SPAG16: variants seen among roughly 807,000 people sequenced by gnomAD.
SPAG16 encodes the protein sperm-associated antigen 16 protein.
Under a neutral mutation model 80.4 loss-of-function variants are expected in SPAG16, and 86 were observed. That is an observed-to-expected ratio of 1.07 (90% CI 0.90 to 1.28). SPAG16 has a LOEUF of 1.28. Ranked by LOEUF, SPAG16 falls within the 50% of genes most tolerant of loss-of-function variation. The probability of loss-of-function intolerance (pLI) is 0.00; values close to 1 mark genes in which losing one functional copy is unlikely to be tolerated. For missense variants in SPAG16, 870 were observed against 765.3 expected (o/e 1.14, Z -1.61); for synonymous variants, 294 against 265.9 (o/e 1.11, Z -1.03).
At chr2:214,111,040 A>C (rs577101091) in intron 14 of SPAG16, among the ~76,000 whole-genome samples, 1 of 152,220 alleles carries the variant, frequency 6.6e-6, no homozygotes, top group South Asian at 2.1e-4. Flanking sequence ...GCCCTTTGTC[A>C]GATGGGTAGA....
intron 13 of SPAG16, among the ~76,000 whole-genome samples, chr2:214,101,203 T>C (rs2052997400): frequency 6.6e-6 from 1 of 152,110 alleles, no homozygotes; most frequent in Admixed American, 6.6e-5. Context: ...CTTTTACTAT[T>C]TTGAGGGAAC....
chr2:213,892,975 TACA>T (rs2076843736), intron 11 of SPAG16, among the ~76,000 whole-genome samples: 1 of 152,044 alleles, frequency 6.6e-6, no homozygotes, highest in Admixed American at 6.6e-5. Flanking sequence ...AACAACATCA[TACA>T]GATTTGACAA....
chr2:213,656,978 C>G (rs1010589021), intron 10 of SPAG16, among the ~76,000 whole-genome samples: 1 of 152,098 alleles, frequency 6.6e-6, no homozygotes, highest in African/African-American at 2.4e-5. Context: ...CGTTTCATTT[C>G]TTTAGATCTT....
chr2:214,248,911 G>A (rs1690049513), intron 15 of SPAG16, among the ~76,000 whole-genome samples: 1 of 152,100 alleles, frequency 6.6e-6, no homozygotes, highest in South Asian at 2.1e-4. Flanking sequence ...ATATCTGGGA[G>A]AAGACTGTTC....
intron 5 of SPAG16, among the ~76,000 whole-genome samples, chr2:213,339,830 C>T (rs2064578389): frequency 1.3e-5 from 2 of 151,952 alleles, no homozygotes; most frequent in Non-Finnish European, 2.9e-5. Flanking sequence ...TCATATATTT[C>T]AATTTTCCAA....
Position 213,813,709 on chromosome 2 carries a change from C to T in SPAG16, c.1071-48776C>T, listed in dbSNP as rs570664739. Among the ~76,000 whole-genome samples the T allele has an allele frequency of 1.6e-4, 25 of 152,248 alleles. 2 individuals are homozygous for T. Among genetic ancestry groups the T allele is most frequent in the African/African-American group, 6.0e-4 (25 of 41,554 alleles). On this transcript the variant is annotated intron_variant, in intron 10 of 15. Coordinates refer to ENST00000331683, the MANE Select transcript of SPAG16 (RefSeq NM_024532.5). ...CGGTCTGCTGCTACTGGAGAAGGAA[C>T]TTAAAGGGAAAAATTCCTTTGAGTT...
At chr2:214,181,295 C>CT (rs539668565) in intron 15 of SPAG16, among the ~76,000 whole-genome samples, 250 of 151,766 alleles carry the variant, frequency 1.6e-3, no homozygotes, top group Non-Finnish European at 2.9e-3. Flanking sequence ...GAAATAAGAA[C>CT]TGAACATGAT....
chr2:213,369,718 G>T (rs1023259107), intron 8 of SPAG16, among the ~76,000 whole-genome samples: 6 of 152,082 alleles, frequency 3.9e-5, no homozygotes, highest in Admixed American at 3.9e-4. Context: ...TTTTTAAAAA[G>T]GATAAACTTT....
In SPAG16 at chr2:213,842,398, G is replaced by A. The variant is rs76427705; in HGVS notation, c.1071-20087G>A. On this transcript the variant is annotated intron_variant, in intron 10 of 15. Transcript: ENST00000331683. Reference sequence around the variant, plus strand: ...TAACAGTAAGAACCAGGAGTAGTAAGAAATAGAATGTGTATATGTTTTATA... The same window carrying A: ...TAACAGTAAGAACCAGGAGTAGTAAAAAATAGAATGTGTATATGTTTTATA... 2.1e-3 allele frequency among the ~76,000 whole-genome samples: 327 copies of A among 152,118 alleles called. 1 individual carries two copies. Among genetic ancestry groups the A allele is most frequent in the Admixed American group, 4.3e-3 (65 of 15,284 alleles).
rs867972193 is a variant in SPAG16 at position 213,567,478 on chromosome 2, C to T, written c.1070+77388C>T. On this transcript the variant is annotated intron_variant, in intron 10 of 15. Transcript: ENST00000331683. Reference sequence around the variant, plus strand: ...ATTCCCACCTATGAGTGAGAATATGCGGTGTTTGGTTTTTTGTTCTTGCGA... The same window carrying T: ...ATTCCCACCTATGAGTGAGAATATGTGGTGTTTGGTTTTTTGTTCTTGCGA... Among the ~76,000 whole-genome samples, 42 of 114,766 alleles carry T rather than the reference C, an allele frequency of 3.7e-4. No individual in the cohort carries two copies. In the South Asian group the frequency reaches 6.1e-3, roughly 17 times the overall value. 75.3% of individuals were successfully genotyped at this position (114,766 alleles called of 152,430 possible). A position where few individuals can be genotyped will look rare whatever the true frequency, so the allele number is the denominator to read the frequency against.
At chr2:213,518,744 A>G (rs1417238107) in intron 10 of SPAG16, among the ~76,000 whole-genome samples, 2 of 152,212 alleles carry the variant, frequency 1.3e-5, no homozygotes, top group Non-Finnish European at 2.9e-5. Flanking sequence ...TATATACTCA[A>G]AGGAAAACCA....
chr2:214,334,631 T>C (rs1697151196), intron 15 of SPAG16, among the ~76,000 whole-genome samples: 1 of 152,174 alleles, frequency 6.6e-6, no homozygotes, highest in Non-Finnish European at 1.5e-5. Flanking sequence ...TTTTATTATC[T>C]CCAATGTATC....
At chr2:214,265,291 G>T (rs1464741622) in intron 15 of SPAG16, among the ~76,000 whole-genome samples, 1 of 151,946 alleles carries the variant, frequency 6.6e-6, no homozygotes, top group Admixed American at 6.6e-5. Flanking sequence ...ATGGATTTTG[G>T]CCATTCTAAT....
Position 214,245,189 on chromosome 2 carries a change from G to A in SPAG16, c.1720+95923G>A, listed in dbSNP as rs142752699. On this transcript the variant is annotated intron_variant, in intron 15 of 15. Transcript: ENST00000331683. ...ACAAGAATATTATTCTGACTATACA[G>A]CAGCATTCTGAAATCACGGATTTAG... Among the ~76,000 whole-genome samples, 28 of 152,208 alleles carry A rather than the reference G, an allele frequency of 1.8e-4. No homozygotes were observed. In the East Asian group the frequency reaches 4.6e-3, roughly 25 times the overall value.
At chr2:213,975,889 G>A (rs73072942) in intron 12 of SPAG16, among the ~76,000 whole-genome samples, 5 of 151,846 alleles carry the variant, frequency 3.3e-5, no homozygotes, top group African/African-American at 1.2e-4. Flanking sequence ...CAGCTCGGCT[G>A]GGTGGTTCTG....
intron 10 of SPAG16, among the ~76,000 whole-genome samples, chr2:213,606,224 A>C (rs1020935559): frequency 6.6e-6 from 1 of 152,062 alleles, no homozygotes; most frequent in Admixed American, 6.6e-5. Flanking sequence ...TATTCTTCCT[A>C]ATGTTTGCTT....
chr2:214,183,504 C>A (rs1366475204), intron 15 of SPAG16, among the ~76,000 whole-genome samples: 1 of 151,936 alleles, frequency 6.6e-6, no homozygotes, highest in Non-Finnish European at 1.5e-5. Flanking sequence ...TCAGCTTGTT[C>A]AAGTCAGGAA....
chr2:213,737,115 T>C (rs1473019185), intron 10 of SPAG16, among the ~76,000 whole-genome samples: 2 of 152,212 alleles, frequency 1.3e-5, no homozygotes, highest in African/African-American at 4.8e-5. Context: ...TGGTTCTTGA[T>C]TTATTTTTAT....
intron 13 of SPAG16, among the ~76,000 whole-genome samples, chr2:214,059,625 C>A (rs1436806856): frequency 6.6e-6 from 1 of 152,178 alleles, no homozygotes; most frequent in East Asian, 1.9e-4. Flanking sequence ...GGTCCTCATT[C>A]ATTTTATGTT....
Sources: gnomAD v4.1 joint callset for allele counts (sites outside exome capture counted in the v4.1 genomes callset) on GRCh38, gnomAD v4.1.1 for gene constraint, MANE v1.5 for transcripts, NCBI Gene and HGNC (gene_info 2026-07-23, HGNC 2026-07-21) for gene names.